CDK8: variants seen among roughly 807,000 people sequenced by gnomAD.
CDK8 encodes the protein cyclin-dependent kinase 8.
Under a neutral mutation model 71.5 loss-of-function variants are expected in CDK8, and 29 were observed. That is an observed-to-expected ratio of 0.41 (90% CI 0.30 to 0.55). The LOEUF is 0.55. CDK8 is among the 20% of genes least tolerant of loss of function. The probability of loss-of-function intolerance (pLI) is 0.37; values close to 1 mark genes in which losing one functional copy is unlikely to be tolerated. For missense variants in CDK8, 288 were observed against 572.6 expected, an observed-to-expected ratio of 0.50 and a Z score of 5.07; for synonymous variants, 161 against 192.1, an observed-to-expected ratio of 0.84 and a Z score of 1.34.
At chr13:26,334,768 A>G (rs1872905467) in intron 1 of CDK8, among the ~76,000 whole-genome samples, 7 of 152,216 alleles carry the variant, frequency 4.6e-5, no homozygotes, top group Admixed American at 4.6e-4. Flanking sequence ...TAATTTGTTC[A>G]CTTAAACTGT....
chr13:26,301,160 ATC>A (rs1464447989), intron 1 of CDK8, among the ~76,000 whole-genome samples: 3 of 150,400 alleles, frequency 2.0e-5, no homozygotes, highest in African/African-American at 7.3e-5. Context: ...GGGTTAGTCA[ATC>A]TGAGCCTTGA....
Position 26,356,755 on chromosome 13 carries a change from C to T in CDK8, c.456+2875C>T, listed in dbSNP as rs371209594. ...CAAGAACATTGTTCAGAAGCTGTAT[C>T]ACATAACTTTTTTAACATTTTTTCT... On this transcript the variant is annotated intron_variant, in intron 4 of 12. Transcript: ENST00000381527. 2.8e-4 allele frequency among the ~76,000 whole-genome samples: 43 copies of T among 152,268 alleles called. No individual in the cohort carries two copies. The East Asian group carries it at 4.8e-3, about 17-fold the overall frequency.
chr13:26,313,557 A>G (rs1874382702), intron 1 of CDK8, among the ~76,000 whole-genome samples: 1 of 152,184 alleles, frequency 6.6e-6, no homozygotes. Context: ...CGGGACTAAA[A>G]TCCATTCTCC....
At position 26,349,616 on chromosome 13, in the gene CDK8, A is replaced by G. The variant is rs1873603641; in HGVS notation, c.315+434A>G. Among the ~76,000 whole-genome samples, 6 of 152,342 alleles carry G rather than the reference A, an allele frequency of 3.9e-5. No individual in the cohort carries two copies. In the South Asian group the frequency reaches 1.2e-3, roughly 32 times the overall value. On this transcript the variant is annotated intron_variant, in intron 3 of 12. Coordinates refer to ENST00000381527, the MANE Select transcript of CDK8 (RefSeq NM_001260.3). ...ATCTTTGGAGAGATCTAATAGTTCT[A>G]CCATTATTTGTCGTATAGCATTAAG...
rs1367273261 is a variant in CDK8 at position 26,353,811 on chromosome 13, G to A, written c.387G>A (p.Lys129=). 6.2e-7 allele frequency: 1 copy of A among 1,611,706 alleles called. No homozygotes were observed. Among genetic ancestry groups the A allele is most frequent in the Admixed American group, 1.7e-5 (1 of 60,014 alleles). Residue 129 remains lysine (K), a synonymous_variant, in exon 4 of 13, where the codon AAG becomes AAA. Transcript: ENST00000381527. ...KPVQLPRGMV[K]SLLYQILDGI... ...TTCAGTTACCTCGGGGAATGGTGAA[G>A]TCACTATTATATCAGATCCTAGATG...
intron 6 of CDK8, among the ~76,000 whole-genome samples, chr13:26,385,742 A>G (rs1875446163): frequency 6.6e-6 from 1 of 152,148 alleles, no homozygotes; most frequent in African/African-American, 2.4e-5. Flanking sequence ...CTCAAAAAAT[A>G]TAAATAAATA....
intron 1 of CDK8, among the ~76,000 whole-genome samples, chr13:26,318,402 T>A (rs559547243): frequency 2.7e-4 from 41 of 152,180 alleles, no homozygotes; most frequent in African/African-American, 9.6e-4. Context: ...TTCAAAAAAA[T>A]TGAAGTGGAG....
intron 1 of CDK8, among the ~76,000 whole-genome samples, chr13:26,314,629 A>G (rs2137936524): frequency 6.6e-6 from 1 of 152,352 alleles, no homozygotes; most frequent in East Asian, 1.9e-4. Context: ...GATGAAGACA[A>G]AAGTTATCCA....
At chr13:26,378,523 A>G (rs1875063660) in intron 4 of CDK8, among the ~76,000 whole-genome samples, 1 of 152,206 alleles carries the variant, frequency 6.6e-6, no homozygotes, top group Admixed American at 6.5e-5. Context: ...ATAGATTTAT[A>G]TCATTTTTCA....
At chr13:26,319,964 A>G (rs1421623344) in intron 1 of CDK8, among the ~76,000 whole-genome samples, 2 of 152,198 alleles carry the variant, frequency 1.3e-5, no homozygotes, top group Admixed American at 1.3e-4. Context: ...AGGCCATTTA[A>G]TGGGGAAAGG....
At chr13:26,360,336 G>C (rs982039783) in intron 4 of CDK8, among the ~76,000 whole-genome samples, 1 of 152,194 alleles carries the variant, frequency 6.6e-6, no homozygotes, top group Admixed American at 6.5e-5. Context: ...TGGTATTTGT[G>C]AATCTAAGTG....
intron 4 of CDK8, among the ~76,000 whole-genome samples, chr13:26,371,613 T>C (rs1182750292): frequency 1.3e-5 from 2 of 152,134 alleles, no homozygotes; most frequent in Admixed American, 1.3e-4. Flanking sequence ...TAGAAACACG[T>C]GTACCTTGAC....
In CDK8 at chr13:26,400,261, G is replaced by C. The variant is rs1034984295; in HGVS notation, c.934-192G>C. 9.4e-6 allele frequency: 5 copies of C among 532,940 alleles called. No individual in the cohort carries two copies. The African/African-American group carries it at 9.7e-5, about 10-fold the overall frequency. The allele number at this position is 532,940 out of a possible 1,614,324, so 33.0% of individuals were successfully genotyped here. ...GCAAGAGTAAAACAAGTGAGATTAT[G>C]AAACTGGAATGACTAAAGTGTGAAT... On this transcript the variant is annotated intron_variant, in intron 9 of 12. Transcript: ENST00000381527.
At position 26,392,961 on chromosome 13, in the gene CDK8, C is replaced by T. The variant is rs562556122; in HGVS notation, c.647-406C>T. On this transcript the variant is annotated intron_variant, in intron 6 of 12. Coordinates refer to ENST00000381527, the MANE Select transcript of CDK8 (RefSeq NM_001260.3). ...AATTTCAAATACTGTTTGGGTTTTC[C>T]GTTTGTTTTTGTTTAGTTTTCTTTG... Among the ~76,000 whole-genome samples the T allele has an allele frequency of 9.5e-4, 145 of 152,130 alleles. 1 individual carries two copies. The highest frequency in any genetic ancestry group is 3.3e-3 in the African/African-American group (136 of 41,494).
At chr13:26,285,843 A>G (rs1872990284) in intron 1 of CDK8, among the ~76,000 whole-genome samples, 1 of 152,226 alleles carries the variant, frequency 6.6e-6, no homozygotes, top group Non-Finnish European at 1.5e-5. Flanking sequence ...AAACACCAAC[A>G]ATAACAAAGC....
intron 2 of CDK8, among the ~76,000 whole-genome samples, chr13:26,348,322 G>A (rs149307596): frequency 6.3e-4 from 96 of 152,174 alleles, no homozygotes; most frequent in East Asian, 3.1e-3. Context: ...CGTCAGCACC[G>A]GTACGTTAGG....
At chr13:26,378,565 C>G (rs983682637) in intron 4 of CDK8, among the ~76,000 whole-genome samples, 1 of 152,178 alleles carries the variant, frequency 6.6e-6, no homozygotes, top group Non-Finnish European at 1.5e-5. Context: ...ATCATTATTT[C>G]TGTGCATGGC....
intron 2 of CDK8, among the ~76,000 whole-genome samples, chr13:26,338,796 T>G (rs1873100042): frequency 6.6e-6 from 1 of 152,106 alleles, no homozygotes; most frequent in Non-Finnish European, 1.5e-5. Flanking sequence ...TGGTCAGTGG[T>G]GTTAGAAGTC....
intron 2 of CDK8, among the ~76,000 whole-genome samples, chr13:26,345,730 G>A (rs1344943448): frequency 3.9e-5 from 6 of 152,150 alleles, no homozygotes; most frequent in African/African-American, 7.2e-5. Flanking sequence ...CAGTAGATTG[G>A]TTTTATAAAG....
Sources: allele counts gnomAD v4.1 joint callset (sites outside exome capture counted in the v4.1 genomes callset), GRCh38; gene constraint gnomAD v4.1.1; transcripts MANE v1.5; gene names NCBI Gene and HGNC (gene_info 2026-07-23, HGNC 2026-07-21).